The following ZNF791 variants were observed in gnomAD, a reference collection of about 807,000 sequenced individuals.
ZNF791 encodes zinc finger protein 791.
In ZNF791, 4 loss-of-function variants were observed where a neutral mutation model predicts 11.5. The observed-to-expected ratio is 0.35, with a 90% confidence interval of 0.17 to 0.80. The LOEUF (loss-of-function observed/expected upper bound fraction) is 0.80, where lower values mean the gene tolerates loss of function less well. Among genes scored for constraint, ZNF791 ranks in the 30% least tolerant of loss-of-function variants. The pLI, the probability that ZNF791 is intolerant of heterozygous loss-of-function variation, is 0.53. For missense variants in ZNF791, 559 were observed against 699.4 expected (o/e 0.80, Z 2.26); for synonymous variants, 212 against 228.1 (o/e 0.93, Z 0.64).
intron 1 of ZNF791, among the ~76,000 whole-genome samples, chr19:12,614,855 AG>A (rs2023216518): frequency 8.9e-6 from 1 of 112,366 alleles, no homozygotes; most frequent in Non-Finnish European, 1.7e-5. Context: ...GGCCTCCCAG[AG>A]GGCTGGGATT....
At chr19:12,618,260 GCCT>G (rs1814239294) in intron 1 of ZNF791, among the ~76,000 whole-genome samples, 1 of 151,968 alleles carries the variant, frequency 6.6e-6, no homozygotes, top group African/African-American at 2.4e-5. Context: ...TTAAATTTTT[GCCT>G]CCTTTGAACA....
chr19:12,614,794 A>C (rs1429487752), intron 1 of ZNF791, among the ~76,000 whole-genome samples: 3 of 137,240 alleles, frequency 2.2e-5, no homozygotes, highest in African/African-American at 8.3e-5. Flanking sequence ...GGGTTTCTCC[A>C]TGTTTGTCAG....
rs144494308 is a variant in ZNF791, at chr19:12,628,895, C to T, written c.1366C>T (p.Arg456Ter). Residue 456 changes from arginine (R) to a stop codon, truncating the protein, a stop_gained, in exon 4 of 4, where the codon CGA becomes TGA. Transcript: ENST00000343325. LOFTEE classifies it low-confidence loss of function (END_TRUNC). Reference sequence around the variant, plus strand: ...GGTGTTCATTTTTCCTAGTGCGTTACGAACACATGAAAGAACTCACACTGG... The same window carrying T: ...GGTGTTCATTTTTCCTAGTGCGTTATGAACACATGAAAGAACTCACACTGG... ...GKVFIFPSAL[R>*]THERTHTGEK... The T allele has an allele frequency of 4.3e-6, 7 of 1,613,426 alleles. No homozygotes were observed. Among genetic ancestry groups the T allele is most frequent in the South Asian group, 1.1e-5 (1 of 90,984 alleles).
rs35805590 is a variant in ZNF791, at chr19:12,633,834, A to C, written c.*4574A>C. On this transcript the variant is annotated 3_prime_UTR_variant, in exon 4 of 4. Transcript: ENST00000343325. ...AGTAAAACAGTAAAAAAAAAAAAAA[A>C]CAACTATATGGGAGTTTGTTCTCTT... The C allele has an allele frequency of 3.3e-5, 5 of 150,818 alleles. No individual in the cohort carries two copies. The highest frequency in any genetic ancestry group is 9.9e-5 in the African/African-American group (4 of 40,514). 9.3% of individuals were successfully genotyped at this position (150,818 alleles called of 1,614,324 possible).
At chr19:12,614,592 AC>A in intron 1 of ZNF791, among the ~76,000 whole-genome samples, 1 of 135,116 alleles carries the variant, frequency 7.4e-6, no homozygotes, top group East Asian at 2.2e-4. Context: ...AATATGTTTA[AC>A]TTTTTTTTTT....
chr19:12,618,078 C>T (rs1161161012), intron 1 of ZNF791, among the ~76,000 whole-genome samples: 8 of 151,742 alleles, frequency 5.3e-5, no homozygotes, highest in South Asian at 2.1e-4. Context: ...CCATCATGCC[C>T]GGCTAATTTT....
Position 12,626,765 on chromosome 19 carries a change from C to T in ZNF791, c.192-956C>T, listed in dbSNP as rs192418982. 7.9e-3 allele frequency among the ~76,000 whole-genome samples: 1,201 copies of T among 151,588 alleles called. 13 individuals are homozygous for T. Among genetic ancestry groups the T allele is most frequent in the African/African-American group, 0.027 (1,112 of 41,346 alleles). On this transcript the variant is annotated intron_variant, in intron 3 of 3. Coordinates refer to ENST00000343325, the MANE Select transcript of ZNF791 (RefSeq NM_153358.3). ...GACTACAGGCGCCCACCACCACGCCCGGCTAATTTTTTTGTATTTTTAGTA... is the reference window on the plus strand; with the variant it reads ...GACTACAGGCGCCCACCACCACGCCTGGCTAATTTTTTTGTATTTTTAGTA...
At chr19:12,613,282 A>C (rs2023189986) in intron 1 of ZNF791, among the ~76,000 whole-genome samples, 1 of 151,898 alleles carries the variant, frequency 6.6e-6, no homozygotes. Flanking sequence ...TTTAAGGAAC[A>C]ATCCTTAAGA....
At chr19:12,617,229 G>A (rs929464405) in intron 1 of ZNF791, among the ~76,000 whole-genome samples, 2 of 150,670 alleles carry the variant, frequency 1.3e-5, no homozygotes, top group African/African-American at 2.4e-5. Flanking sequence ...GGGTTCAAGC[G>A]ATTCTCCTGC....
intron 1 of ZNF791, among the ~76,000 whole-genome samples, chr19:12,621,481 C>A (rs994150046): frequency 1.8e-5 from 2 of 109,204 alleles, no homozygotes; most frequent in African/African-American, 2.6e-5. Context: ...GTAATGCCAA[C>A]ACATAGGGAT....
intron 1 of ZNF791, among the ~76,000 whole-genome samples, chr19:12,613,831 A>G (rs983149): frequency 0.52 from 78,359 of 152,010 alleles, 22,710 homozygotes; most frequent in Non-Finnish European, 0.67. Context: ...AGCACTTGGA[A>G]GCTGAGGATG....
chr19:12,619,576 A>C (rs1386389327), intron 1 of ZNF791, among the ~76,000 whole-genome samples: 1 of 149,746 alleles, frequency 6.7e-6, no homozygotes, highest in Non-Finnish European at 1.5e-5. Context: ...CAGCCTCTCG[A>C]CTAGCTGGGA....
chr19:12,624,158 C>CTTT (rs138811360), intron 2 of ZNF791, among the ~76,000 whole-genome samples: 2 of 124,074 alleles, frequency 1.6e-5, no homozygotes, highest in Non-Finnish European at 3.3e-5. Flanking sequence ...GCCTGGCCTT[C>CTTT]TTTTTTTTTT....
intron 1 of ZNF791, among the ~76,000 whole-genome samples, chr19:12,617,377 G>A (rs920828798): frequency 2.6e-5 from 4 of 151,920 alleles, no homozygotes; most frequent in Non-Finnish European, 4.4e-5. Flanking sequence ...GCCCACCTTG[G>A]CCCCCCAGAG....
rs1481029977 is a variant in ZNF791, at chr19:12,627,829, T to A, written c.300T>A (p.Tyr100Ter). ...AGAAGACTGCCGGAGTAAAACCATATGAGTGTACTATCTGTGGAAAAGCCT... is the reference window on the plus strand; with the variant it reads ...AGAAGACTGCCGGAGTAAAACCATAAGAGTGTACTATCTGTGGAAAAGCCT... ...VTKKTAGVKPYECTICGKAFM... is the reference protein window; with the variant it reads ...VTKKTAGVKP The change falls in exon 4 of 4, where the codon TAT (tyrosine) becomes TAA (stop). Residue 100 changes from tyrosine to a stop codon, truncating the protein, a stop_gained. Transcript: ENST00000343325. LOFTEE classifies it low-confidence loss of function (END_TRUNC). The A allele has an allele frequency of 6.2e-7, 1 of 1,614,042 alleles. No homozygotes were observed. Among genetic ancestry groups the A allele is most frequent in the Non-Finnish European group, 8.5e-7 (1 of 1,180,024 alleles).
chr19:12,628,068 G>A lies in ZNF791; in HGVS notation c.539G>A (p.Arg180Gln), dbSNP rs143029739. The stretch of plus-strand genomic sequence containing the variant: ...CACCAGCCCTTTCAAAGACATGAGC[G>A]GACTCACATTGGAGAAAAACCCTAT... The part of the protein sequence containing the change: ...IYHQPFQRHE[R>Q]THIGEKPYEC... The change falls in exon 4 of 4, where the codon CGG becomes CAG. Residue 180 changes from arginine (R) to glutamine (Q), a missense_variant. Arg to Gln is a conservative substitution (Grantham distance 43). Transcript: ENST00000343325. The A allele has an allele frequency of 6.4e-5, 104 of 1,613,684 alleles. No homozygotes were observed. The highest frequency in any genetic ancestry group is 2.7e-4 in the East Asian group (12 of 44,862).
intron 3 of ZNF791, among the ~76,000 whole-genome samples, chr19:12,625,947 C>G (rs2023421219): frequency 6.6e-6 from 1 of 151,334 alleles, no homozygotes; most frequent in African/African-American, 2.4e-5. Context: ...TGGGTTCAAG[C>G]AATTCTTCTG....
At chr19:12,613,397 T>C (rs1304106094) in intron 1 of ZNF791, among the ~76,000 whole-genome samples, 4 of 151,902 alleles carry the variant, frequency 2.6e-5, no homozygotes, top group Non-Finnish European at 4.4e-5. Flanking sequence ...CTGGCTAACA[T>C]TGTGAAACCC....
rs143839457 is a variant in ZNF791, at chr19:12,628,548, G to T, written c.1019G>T (p.Arg340Leu). 1.3e-5 allele frequency: 21 copies of T among 1,601,730 alleles called. No homozygotes were observed. The highest frequency in any genetic ancestry group is 1.7e-5 in the Admixed American group (1 of 57,800). The part of the protein sequence containing the change: ...CKECGKSFSA[R>L]PAFRVHVRVH... ...GAATGTGGGAAATCTTTCAGTGCAC[G>T]CCCAGCCTTTCGAGTACACGTGAGA... The change falls in exon 4 of 4, where the codon CGC becomes CTC. Residue 340 changes from arginine (R) to leucine (L), a missense_variant. Coordinates refer to ENST00000343325, the MANE Select transcript of ZNF791 (RefSeq NM_153358.3).
Sources: gnomAD v4.1 joint callset for allele counts (sites outside exome capture counted in the v4.1 genomes callset) on GRCh38, gnomAD v4.1.1 for gene constraint, MANE v1.5 for transcripts, NCBI Gene and HGNC (gene_info 2026-07-23, HGNC 2026-07-21) for gene names.